Variants in DLGAP1 observed in about 807,000 individuals in gnomAD.
DLGAP1 encodes disks large-associated protein 1.
DLGAP1 carries 11 observed loss-of-function variants against 90.8 expected under a neutral mutation model. The ratio of observed to expected loss-of-function variants is 0.12; its 90% confidence interval spans 0.08 to 0.20. DLGAP1 has a LOEUF of 0.20. Among genes scored for constraint, DLGAP1 ranks in the 10% least tolerant of loss-of-function variants. The pLI, the probability that DLGAP1 is intolerant of heterozygous loss-of-function variation, is 1.00. For synonymous variants in DLGAP1, 558 were observed against 540.7 expected (o/e 1.03, Z -0.44); for missense variants, 1,050 against 1,333.8 (o/e 0.79, Z 3.31).
At chr18:3,795,722 G>A (rs567513413) in intron 5 of DLGAP1, among the ~76,000 whole-genome samples, 2 of 152,076 alleles carry the variant, frequency 1.3e-5, no homozygotes, top group East Asian at 1.9e-4. Context: ...GGGCCCATGC[G>A]ATCCTCCCAC....
intron 2 of DLGAP1, among the ~76,000 whole-genome samples, chr18:4,068,734 C>G (rs1261381357): frequency 6.6e-6 from 1 of 152,196 alleles, no homozygotes; most frequent in East Asian, 1.9e-4. Context: ...CCGGTTCTTG[C>G]TCTGTACTGC....
intron 6 of DLGAP1, among the ~76,000 whole-genome samples, chr18:3,732,202 G>A (rs528162396): frequency 3.3e-5 from 5 of 152,294 alleles, no homozygotes; most frequent in African/African-American, 1.2e-4. Context: ...TGTATTGCCT[G>A]AAAATTGGAA....
chr18:3,787,157 A>G (rs993764787), intron 5 of DLGAP1, among the ~76,000 whole-genome samples: 13 of 152,080 alleles, frequency 8.5e-5, no homozygotes, highest in African/African-American at 3.1e-4. Flanking sequence ...ATGGCTTTAG[A>G]TTTTTTGGGC....
chr18:3,754,167 A>T (rs1284617794), intron 5 of DLGAP1, among the ~76,000 whole-genome samples: 1 of 151,890 alleles, frequency 6.6e-6, no homozygotes, highest in East Asian at 1.9e-4. Flanking sequence ...TACCCTGCTA[A>T]TTTTTTTGTA....
At chr18:3,833,752 A>G (rs960063282) in intron 4 of DLGAP1, among the ~76,000 whole-genome samples, 7 of 152,330 alleles carry the variant, frequency 4.6e-5, no homozygotes, top group South Asian at 4.1e-4. Flanking sequence ...CAAGGATACA[A>G]TGATTTGTCT....
At chr18:4,258,013 G>A (rs201640681) in intron 1 of DLGAP1, among the ~76,000 whole-genome samples, 12 of 121,890 alleles carry the variant, frequency 9.8e-5, no homozygotes, top group African/African-American at 4.8e-4. Flanking sequence ...GTGTGTGTGC[G>A]CGCGCGCGCG....
chr18:3,879,149 T>G lies in DLGAP1; in HGVS notation c.920A>C (p.Glu307Ala). Residue 307 changes from glutamate to alanine, a missense_variant, in exon 4 of 13, where the codon GAG becomes GCG. This residue lies in a region of DLGAP1 where 485 missense variants were observed against 454.1 expected (regional missense o/e 1.07). Coordinates refer to ENST00000315677, the MANE Select transcript of DLGAP1 (RefSeq NM_004746.4). This position sits in a 1 kb window ranked among gnomAD's most constrained non-coding sequence, Gnocchi z 6.6. ...GCAGGAGCGTTCTTGCTGACACGAC[T>G]CGGACTTCACCATGGCCTGGTCCAT... ...VNMDQAMVKS[E>A]SCQQERSCQY... 6.6e-7 allele frequency: 1 copy of G among 1,509,230 alleles called. No homozygotes were observed. The highest frequency in any genetic ancestry group is 8.9e-7 in the Non-Finnish European group (1 of 1,128,644). The allele number at this position is 1,509,230 out of a possible 1,614,324, so 93.5% of individuals were successfully genotyped here.
At chr18:4,322,372 C>T (rs963599833) in intron 1 of DLGAP1, among the ~76,000 whole-genome samples, 1 of 151,966 alleles carries the variant, frequency 6.6e-6, no homozygotes, top group African/African-American at 2.4e-5. Flanking sequence ...AACAAAGGTG[C>T]CAAGAATACA....
intron 7 of DLGAP1, among the ~76,000 whole-genome samples, chr18:3,618,934 G>A (rs762650386): frequency 4.5e-4 from 46 of 102,532 alleles, no homozygotes; most frequent in Non-Finnish European, 7.7e-4. Flanking sequence ...GCGAGACTCC[G>A]TCTCAAAAAA....
At position 4,147,571 on chromosome 18, in the gene DLGAP1, T is replaced by TTCCATCCATCCA. The variant is rs140010625; in HGVS notation, c.-159+3597_-159+3608dup. On this transcript the variant is annotated intron_variant, in intron 2 of 12. Transcript: ENST00000315677. ...GGTTGCTAAACCTGTTCATCCATTC[T>TTCCATCCATCCA]TCCATCCATCCATCCATCCATCCAT... 1.3e-4 allele frequency among the ~76,000 whole-genome samples: 19 copies of TTCCATCCATCCA among 147,782 alleles called. 1 individual carries two copies. Among genetic ancestry groups the TTCCATCCATCCA allele is most frequent in the South Asian group, 2.2e-4 (1 of 4,518 alleles).
intron 2 of DLGAP1, among the ~76,000 whole-genome samples, chr18:4,065,657 C>G (rs2075360178): frequency 6.6e-6 from 1 of 151,916 alleles, no homozygotes; most frequent in African/African-American, 2.4e-5. Context: ...AAGCACTGCT[C>G]AAATAAATCA....
chr18:4,446,231 G>A (rs2083664039), intron 1 of DLGAP1, among the ~76,000 whole-genome samples: 1 of 152,132 alleles, frequency 6.6e-6, no homozygotes, highest in Admixed American at 6.6e-5. Flanking sequence ...AGGCATACTC[G>A]GGTCTGGAGT....
chr18:4,132,371 G>A (rs16946066), intron 2 of DLGAP1, among the ~76,000 whole-genome samples: 2,787 of 152,192 alleles, frequency 0.018, 73 homozygotes, highest in South Asian at 0.081. Context: ...GGCATAAAAC[G>A]CTTATTAATT....
At chr18:3,591,815 AT>A (rs2056263892) in intron 7 of DLGAP1, among the ~76,000 whole-genome samples, 1 of 152,164 alleles carries the variant, frequency 6.6e-6, no homozygotes, top group Non-Finnish European at 1.5e-5. Context: ...CCTGTTTTGT[AT>A]AAGTCCCCAA....
At chr18:4,221,875 G>C (rs1235440916) in intron 1 of DLGAP1, among the ~76,000 whole-genome samples, 1 of 152,040 alleles carries the variant, frequency 6.6e-6, no homozygotes, top group East Asian at 1.9e-4. Flanking sequence ...TGTGACTTTA[G>C]CTGATCTCTC....
At chr18:3,931,978 G>C (rs1464005873) in intron 3 of DLGAP1, among the ~76,000 whole-genome samples, 1 of 152,042 alleles carries the variant, frequency 6.6e-6, no homozygotes, top group Non-Finnish European at 1.5e-5. Context: ...GTGCACCCTT[G>C]GTTTCTCACT....
intron 1 of DLGAP1, among the ~76,000 whole-genome samples, chr18:4,278,353 AATG>A (rs1258446962): frequency 6.6e-6 from 1 of 152,196 alleles, no homozygotes; most frequent in Admixed American, 6.5e-5. Flanking sequence ...TACATTGAGC[AATG>A]GTACAGTCTG....
At chr18:3,614,852 G>GA (rs397967909) in intron 7 of DLGAP1, among the ~76,000 whole-genome samples, 75,624 of 137,944 alleles carry the variant, frequency 0.55, 20,579 homozygotes, top group East Asian at 0.72. Flanking sequence ...TCTGTCTCAA[G>GA]AAAAAAAAAA....
chr18:3,743,545 G>A (rs750926235), intron 5 of DLGAP1, among the ~76,000 whole-genome samples: 58 of 151,968 alleles, frequency 3.8e-4, no homozygotes, highest in Non-Finnish European at 6.8e-4. Flanking sequence ...TAGTAGAGAC[G>A]GGGTTTCACA....
Sources: gnomAD v4.1 joint callset for allele counts (sites outside exome capture counted in the v4.1 genomes callset) on GRCh38, gnomAD v4.1.1 for gene constraint, gnomAD v4.1.1 regional missense constraint, Gnocchi (gnomAD v3.1) non-coding constraint, MANE v1.5 for transcripts, NCBI Gene and HGNC (gene_info 2026-07-23, HGNC 2026-07-21) for gene names.